Variants in TOX observed in about 807,000 individuals in gnomAD.
TOX encodes thymocyte selection-associated high mobility group box protein TOX.
A neutral mutation model predicts 53.7 loss-of-function variants in TOX; 11 were observed. The observed-to-expected ratio is 0.20, with a 90% confidence interval of 0.13 to 0.34. The LOEUF (loss-of-function observed/expected upper bound fraction) is 0.34. Among genes scored for constraint, TOX ranks in the 10% least tolerant of loss-of-function variants. The pLI is 1.00. For missense variants in TOX, 570 were observed against 664.6 expected (o/e 0.86, Z 1.56); for synonymous variants, 225 against 245.3 (o/e 0.92, Z 0.77).
At chr8:58,838,713 T>TTTTTTTTTTTTTTTTTTTTTTTTTTTG (rs1810592144) in intron 4 of TOX, among the ~76,000 whole-genome samples, 1 of 139,926 alleles carries the variant, frequency 7.1e-6, no homozygotes, top group African/African-American at 2.9e-5. Context: ...TTTTTTTTTT[T>TTTTTTTTTTTTTTTTTTTTTTTTTTTG]TTTTTTTGAG....
chr8:59,109,385 G>A (rs1804973123), intron 1 of TOX, among the ~76,000 whole-genome samples: 1 of 152,102 alleles, frequency 6.6e-6, no homozygotes, highest in East Asian at 1.9e-4. Flanking sequence ...AAGTAGCTTG[G>A]AGTGGAATTA....
chr8:58,978,446 A>G (rs1813144691), intron 1 of TOX, among the ~76,000 whole-genome samples: 1 of 152,238 alleles, frequency 6.6e-6, no homozygotes, highest in South Asian at 2.1e-4. Context: ...TGCAAGGAAT[A>G]TGCACGCACA....
Position 58,956,181 on chromosome 8 carries a change from A to G in TOX, c.168+3762T>C, listed in dbSNP as rs531888669. Among the ~76,000 whole-genome samples the G allele has an allele frequency of 2.0e-4, 31 of 152,330 alleles. No homozygotes were observed. In the South Asian group the frequency reaches 3.3e-3, roughly 16 times the overall value. On this transcript the variant is annotated intron_variant, in intron 2 of 8. Transcript: ENST00000361421. ...ACTAGACTTCTGCTTCTTTTGACGT[A>G]TTTAATTTAGATGAACATTTATATC...
In TOX at chr8:58,912,658, C is replaced by T. The variant is rs145216145; in HGVS notation, c.411+26644G>A. Among the ~76,000 whole-genome samples the T allele has an allele frequency of 1.9e-3, 296 of 152,272 alleles. 2 individuals carry two copies. The highest frequency in any genetic ancestry group is 6.9e-3 in the African/African-American group (285 of 41,556). On this transcript the variant is annotated intron_variant, in intron 3 of 8. Transcript: ENST00000361421. ...GTTTCCACATGATGCTGATGCTGCC[C>T]CTCTGTGGGCTGCGCTTTGAGAAAC...
Position 58,837,085 on chromosome 8 carries a change from T to C in TOX, c.924+996A>G, listed in dbSNP as rs187500153. Among the ~76,000 whole-genome samples the C allele has an allele frequency of 2.6e-3, 397 of 152,256 alleles. 2 individuals carry two copies. The highest frequency in any genetic ancestry group is 3.9e-3 in the Admixed American group (60 of 15,286). ...ATACTTTATAGATGTTAATATATAA[T>C]ATAAACACAATATATAGATCCTTCT... On this transcript the variant is annotated intron_variant, in intron 5 of 8. Transcript: ENST00000361421.
At chr8:59,068,321 A>G (rs1804131892) in intron 1 of TOX, among the ~76,000 whole-genome samples, 1 of 152,148 alleles carries the variant, frequency 6.6e-6, no homozygotes. Flanking sequence ...AGTTAAATAT[A>G]ATATAGTCTC....
chr8:58,982,236 T>C (rs1335593506), intron 1 of TOX, among the ~76,000 whole-genome samples: 1 of 152,160 alleles, frequency 6.6e-6, no homozygotes, highest in Non-Finnish European at 1.5e-5. Context: ...TTTTATTTCA[T>C]CCTAGTCTTC....
Position 58,963,116 on chromosome 8 carries a change from G to C in TOX, c.103-3108C>G, listed in dbSNP as rs147798947. Among the ~76,000 whole-genome samples the C allele has an allele frequency of 1.0e-3, 157 of 152,198 alleles. 1 individual carries two copies. The East Asian group carries it at 0.025, about 24-fold the overall frequency. ...AGACATCAGTCTTTCACTGTTTTGG[G>C]GCATGACTTGAAATAACATTGGCTC... On this transcript the variant is annotated intron_variant, in intron 1 of 8. Coordinates refer to ENST00000361421, the MANE Select transcript of TOX (RefSeq NM_014729.3).
chr8:58,954,057 A>T (rs930939084), intron 2 of TOX, among the ~76,000 whole-genome samples: 2 of 152,160 alleles, frequency 1.3e-5, no homozygotes, highest in African/African-American at 4.8e-5. Flanking sequence ...AGAAATTTGG[A>T]GCACACTACT....
chr8:58,951,361 C>G (rs947226581), intron 2 of TOX, among the ~76,000 whole-genome samples: 12 of 152,124 alleles, frequency 7.9e-5, no homozygotes, highest in African/African-American at 2.7e-4. Flanking sequence ...CTAATTATTT[C>G]AGGACACTGG....
At chr8:58,927,911 G>C (rs928076265) in intron 3 of TOX, among the ~76,000 whole-genome samples, 1 of 152,146 alleles carries the variant, frequency 6.6e-6, no homozygotes, top group African/African-American at 2.4e-5. Flanking sequence ...GGGTTCAAGT[G>C]CAGGCGGCCT....
At chr8:59,018,280 G>A (rs905105479) in intron 1 of TOX, among the ~76,000 whole-genome samples, 2 of 152,130 alleles carry the variant, frequency 1.3e-5, no homozygotes, top group African/African-American at 4.8e-5. Context: ...GAACCCAGGT[G>A]AGAAAGAAAA....
intron 4 of TOX, among the ~76,000 whole-genome samples, chr8:58,839,476 C>G (rs141166455): frequency 6.6e-6 from 1 of 152,200 alleles, no homozygotes; most frequent in Admixed American, 6.5e-5. Context: ...TATTCTGATA[C>G]AACTGGGAAA....
chr8:58,826,998 CTTATAG>C (rs1810376988), intron 5 of TOX, 96 bp from the exon 6 acceptor site: 1 of 684,010 alleles, frequency 1.5e-6, no homozygotes, highest in Non-Finnish European at 2.2e-6. Flanking sequence ...CACAAACACA[CTTATAG>C]TTATATAATA....
At chr8:59,093,939 A>G (rs1362355592) in intron 1 of TOX, among the ~76,000 whole-genome samples, 1 of 152,234 alleles carries the variant, frequency 6.6e-6, no homozygotes, top group Admixed American at 6.5e-5. Context: ...TAAACAAGAC[A>G]AGTATTTGCC....
At chr8:59,094,930 G>A (rs1804689897) in intron 1 of TOX, among the ~76,000 whole-genome samples, 1 of 152,174 alleles carries the variant, frequency 6.6e-6, no homozygotes, top group East Asian at 1.9e-4. Context: ...ATTTGGTAGT[G>A]GCACAGAAAG....
chr8:58,879,954 C>T (rs1195832705), intron 3 of TOX, among the ~76,000 whole-genome samples: 1 of 152,134 alleles, frequency 6.6e-6, no homozygotes, highest in East Asian at 1.9e-4. Flanking sequence ...AAAAATGGCA[C>T]TGAATAAAGG....
intron 1 of TOX, among the ~76,000 whole-genome samples, chr8:58,973,674 T>G (rs533407626): frequency 1.8e-4 from 27 of 152,322 alleles, no homozygotes; most frequent in African/African-American, 6.3e-4. Context: ...TGGTTCTTTG[T>G]GGATTCAAAG....
chr8:58,875,116 C>T (rs1393844742), intron 3 of TOX, among the ~76,000 whole-genome samples: 1 of 152,148 alleles, frequency 6.6e-6, no homozygotes, highest in Admixed American at 6.5e-5. Flanking sequence ...CGGAGTCTTT[C>T]CTTGGTATGT....
Sources: gnomAD v4.1 joint callset for allele counts (sites outside exome capture counted in the v4.1 genomes callset) on GRCh38, gnomAD v4.1.1 for gene constraint, MANE v1.5 for transcripts, NCBI Gene and HGNC (gene_info 2026-07-23, HGNC 2026-07-21) for gene names.